Variants in EPB41L4A observed in about 807,000 individuals in gnomAD.
EPB41L4A encodes band 4.1-like protein 4A.
In EPB41L4A, 100 loss-of-function variants were observed where a neutral mutation model predicts 108.6. The ratio of observed to expected loss-of-function variants is 0.92; its 90% CI spans 0.78 to 1.09. EPB41L4A has a LOEUF of 1.09. Ranked by LOEUF, EPB41L4A falls within the 50% of genes least tolerant of loss-of-function variation. The pLI, the probability that EPB41L4A is intolerant of heterozygous loss-of-function variation, is 0.00. For missense variants in EPB41L4A, 1,030 were observed against 842.7 expected (o/e 1.22, Z -2.75); for synonymous variants, 319 against 289.0 (o/e 1.10, Z -1.05).
intron 1 of EPB41L4A, among the ~76,000 whole-genome samples, chr5:112,321,088 T>C (rs1409539376): frequency 6.6e-6 from 1 of 152,164 alleles, no homozygotes; most frequent in Middle Eastern, 3.4e-3. Flanking sequence ...TGTAGGAAAT[T>C]CATAATTATG....
At chr5:112,268,873 A>G (rs907900206) in intron 4 of EPB41L4A, among the ~76,000 whole-genome samples, 1 of 142,560 alleles carries the variant, frequency 7.0e-6, no homozygotes, top group Non-Finnish European at 1.5e-5. Context: ...AAAAGACTTT[A>G]ACATCTGACT....
At chr5:112,172,753 C>T (rs1024979985) in intron 18 of EPB41L4A, among the ~76,000 whole-genome samples, 2 of 152,150 alleles carry the variant, frequency 1.3e-5, no homozygotes, top group Non-Finnish European at 2.9e-5. Context: ...TTACAGTCAA[C>T]CAAGAGTCTG....
At chr5:112,400,466 G>A (rs1761670484) in intron 1 of EPB41L4A, among the ~76,000 whole-genome samples, 1 of 152,160 alleles carries the variant, frequency 6.6e-6, no homozygotes, top group Non-Finnish European at 1.5e-5. Flanking sequence ...GGCTTCTGGG[G>A]AGGCCTCAGA....
At chr5:112,202,846 A>C (rs1470174146) in intron 15 of EPB41L4A, among the ~76,000 whole-genome samples, 1 of 152,128 alleles carries the variant, frequency 6.6e-6, no homozygotes, top group Non-Finnish European at 1.5e-5. Flanking sequence ...CCAAACCTGC[A>C]GTGTGCACAA....
chr5:112,413,079 T>C (rs1228775355), intron 1 of EPB41L4A, among the ~76,000 whole-genome samples: 1 of 152,152 alleles, frequency 6.6e-6, no homozygotes, highest in Non-Finnish European at 1.5e-5. Context: ...GTTTCAAGAA[T>C]GGGAGACAAG....
intron 22 of EPB41L4A, among the ~76,000 whole-genome samples, chr5:112,167,979 G>A (rs1420422765): frequency 6.6e-6 from 1 of 152,204 alleles, no homozygotes. Context: ...AAGGATCCAT[G>A]ATCAAATGAC....
At chr5:112,398,055 C>T (rs1206989755) in intron 1 of EPB41L4A, among the ~76,000 whole-genome samples, 3 of 152,166 alleles carry the variant, frequency 2.0e-5, no homozygotes, top group Non-Finnish European at 4.4e-5. Flanking sequence ...AAGAAATGCA[C>T]ACAGCATGTT....
chr5:112,289,360 C>G (rs1753499251), intron 2 of EPB41L4A, among the ~76,000 whole-genome samples: 1 of 152,008 alleles, frequency 6.6e-6, no homozygotes, highest in African/African-American at 2.4e-5. Flanking sequence ...TAAAGTAAAG[C>G]AAACCAGGAA....
intron 1 of EPB41L4A, among the ~76,000 whole-genome samples, chr5:112,385,112 T>A (rs945582147): frequency 1.3e-5 from 2 of 152,188 alleles, no homozygotes; most frequent in Admixed American, 6.5e-5. Context: ...CACCAGAGCC[T>A]GCTAAGTACT....
intron 2 of EPB41L4A, among the ~76,000 whole-genome samples, chr5:112,303,075 A>T (rs1379117508): frequency 6.6e-6 from 1 of 152,194 alleles, no homozygotes; most frequent in Non-Finnish European, 1.5e-5. Context: ...CTCACATAGT[A>T]AGTTTCATTC....
intron 4 of EPB41L4A, among the ~76,000 whole-genome samples, chr5:112,271,723 C>T (rs769564527): frequency 2.6e-5 from 4 of 152,166 alleles, no homozygotes; most frequent in South Asian, 2.1e-4. Flanking sequence ...CCTGAGGACA[C>T]GAATTATCTA....
intron 20 of EPB41L4A, chr5:112,169,897 C>T: frequency 5.2e-6 from 1 of 191,826 alleles, no homozygotes; most frequent in South Asian, 1.0e-4. Flanking sequence ...TCCTGCTGTG[C>T]TTTCACGAAG....
intron 9 of EPB41L4A, among the ~76,000 whole-genome samples, chr5:112,251,491 G>C (rs950252740): frequency 3.3e-5 from 5 of 152,084 alleles, no homozygotes; most frequent in African/African-American, 7.2e-5. Flanking sequence ...TGATTTCTAG[G>C]AGATATTACT....
At chr5:112,275,864 A>G (rs1444263672) in intron 3 of EPB41L4A, among the ~76,000 whole-genome samples, 2 of 152,232 alleles carry the variant, frequency 1.3e-5, no homozygotes, top group African/African-American at 2.4e-5. Flanking sequence ...CACAGGACAT[A>G]TACCATGCAA....
At chr5:112,365,153 C>A (rs969174821) in intron 1 of EPB41L4A, among the ~76,000 whole-genome samples, 5 of 152,040 alleles carry the variant, frequency 3.3e-5, no homozygotes, top group Admixed American at 1.3e-4. Flanking sequence ...TCTTAATAGG[C>A]CTGAATTATA....
intron 18 of EPB41L4A, among the ~76,000 whole-genome samples, chr5:112,183,591 C>T (rs1761269318): frequency 6.6e-6 from 1 of 150,460 alleles, no homozygotes; most frequent in Non-Finnish European, 1.5e-5. Flanking sequence ...GAATCACTCA[C>T]TGACTACTGT....
chr5:112,406,355 T>C (rs1468310825), intron 1 of EPB41L4A, among the ~76,000 whole-genome samples: 2 of 152,182 alleles, frequency 1.3e-5, no homozygotes, highest in Admixed American at 1.3e-4. Context: ...ATATGCAGCA[T>C]GGAGCTTTAA....
downstream of EPB41L4A, among the ~76,000 whole-genome samples, chr5:112,159,224 T>C (rs1169245106): frequency 6.6e-6 from 1 of 152,208 alleles, no homozygotes; most frequent in South Asian, 2.1e-4. Flanking sequence ...AAGCTGTATT[T>C]AATGTATATA....
intron 18 of EPB41L4A, 124 bp from the exon 19 acceptor site, chr5:112,171,116 A>C: frequency 1.2e-6 from 1 of 816,470 alleles, no homozygotes; most frequent in Non-Finnish European, 2.0e-6. Context: ...ACAAGGAAAG[A>C]CTGGACAGGG....
Sources: gnomAD v4.1 joint callset for allele counts (sites outside exome capture counted in the v4.1 genomes callset) on GRCh38, gnomAD v4.1.1 for gene constraint, MANE v1.5 for transcripts, NCBI Gene and HGNC (gene_info 2026-07-23, HGNC 2026-07-21) for gene names.